SETX: variants seen among roughly 807,000 people sequenced by gnomAD.
SETX encodes helicase senataxin.
Under a neutral mutation model 227.2 loss-of-function variants are expected in SETX, and 90 were observed. That is an observed-to-expected ratio of 0.40 (90% CI 0.33 to 0.47). SETX has a LOEUF of 0.47. SETX is among the 20% of genes least tolerant of loss of function. SETX has a pLI of 0.91. For missense variants in SETX, 3,052 were observed against 3,181.5 expected, an observed-to-expected ratio of 0.96 and a Z score of 0.98; for synonymous variants, 1,210 against 1,113.2, an observed-to-expected ratio of 1.09 and a Z score of -1.73.
chr9:132,310,901 TTTTC>T (rs1845615473), intron 11 of SETX, among the ~76,000 whole-genome samples: 2 of 152,238 alleles, frequency 1.3e-5, no homozygotes, highest in Non-Finnish European at 1.5e-5. Flanking sequence ...TTTTAGTTTC[TTTTC>T]TTTAGCTTTA....
Position 132,328,983 on chromosome 9 carries a change from T to C in SETX, c.2615A>G (p.Glu872Gly), listed in dbSNP as rs766633123. The change falls in exon 10 of 26, where the codon GAA (glutamate) becomes GGA (glycine). Residue 872 changes from glutamate to glycine, a missense_variant. By Grantham distance (98) the Glu-to-Gly change is moderately conservative. This residue lies in a region of SETX where 1,483 missense variants were observed against 1,312.0 expected (regional missense o/e 1.13). Transcript: ENST00000224140. ...VLPKEKQLKN[E>G]ELVIFSFHEN... ...ATGGAAAGAGAAAATAACTAATTCT[T>C]CATTCTTTAATTGTTTCTCTTTTGG... 4.4e-6 allele frequency: 7 copies of C among 1,607,050 alleles called. No individual in the cohort carries two copies. In the South Asian group the frequency reaches 7.8e-5, roughly 18 times the overall value.
chr9:132,353,891 T>A (rs751856362), intron 1 of SETX, 136 bp from the exon 2 acceptor site: 1 of 152,270 alleles, frequency 6.6e-6, no homozygotes, highest in African/African-American at 2.4e-5. Context: ...ACAACTTGGC[T>A]GTGGACTTCC....
intron 5 of SETX, among the ~76,000 whole-genome samples, chr9:132,342,149 GCA>G (rs1444483375): frequency 6.6e-6 from 1 of 152,028 alleles, no homozygotes; most frequent in Non-Finnish European, 1.5e-5. Flanking sequence ...GAGACCTGAA[GCA>G]CAGACTGTCT....
rs1847230556 is a variant in SETX, at chr9:132,331,455, T to C, written c.839-7A>G. Reference sequence around the variant, plus strand: ...AAAGGATCCACACTATCATCTGAAATACAATGGCACAATCGTTGAATTACT... The same window carrying C: ...AAAGGATCCACACTATCATCTGAAACACAATGGCACAATCGTTGAATTACT... On this transcript the variant is annotated splice_polypyrimidine_tract_variant and splice_region_variant and intron_variant, in intron 7 of 25. Coordinates refer to ENST00000224140, the MANE Select transcript of SETX (RefSeq NM_015046.7). The C allele has an allele frequency of 6.2e-7, 1 of 1,613,376 alleles. No homozygotes were observed. Among genetic ancestry groups the C allele is most frequent in the Non-Finnish European group, 8.5e-7 (1 of 1,179,750 alleles).
chr9:132,351,549 T>C (rs542877078), intron 2 of SETX, among the ~76,000 whole-genome samples: 5 of 152,310 alleles, frequency 3.3e-5, no homozygotes, highest in Admixed American at 1.3e-4. Flanking sequence ...GTGAGTGTCA[T>C]GGCCGCTAGA....
intron 20 of SETX, among the ~76,000 whole-genome samples, chr9:132,280,830 G>GAGATT (rs1449949534): frequency 6.6e-6 from 1 of 151,970 alleles, no homozygotes; most frequent in Non-Finnish European, 1.5e-5. Flanking sequence ...AATCTTTCAT[G>GAGATT]AGATTAAAAA....
chr9:132,315,367 T>C (rs1383233276), intron 10 of SETX, among the ~76,000 whole-genome samples: 2 of 152,186 alleles, frequency 1.3e-5, no homozygotes, highest in Non-Finnish European at 2.9e-5. Context: ...TTCATCTCCA[T>C]GTCCTGTCCC....
chr9:132,271,345 C>T (rs1460006130), intron 24 of SETX, among the ~76,000 whole-genome samples: 1 of 152,238 alleles, frequency 6.6e-6, no homozygotes, highest in East Asian at 1.9e-4. Flanking sequence ...GGGTGGAGCA[C>T]TTGAGCTCAG....
At position 132,278,066 on chromosome 9, in the gene SETX, T is replaced by C. The variant is rs765645312; in HGVS notation, c.6842+4A>G. On this transcript the variant is annotated splice_donor_region_variant and intron_variant, in intron 21 of 25. Transcript: ENST00000224140. ...TAAGGTCACAAACAATAAGGGGAAC[T>C]CACCTATTTGTTTTTAAGTTTCTGT... 1 of 1,612,688 alleles carries C rather than the reference T, an allele frequency of 6.2e-7. No individual in the cohort carries two copies. Among genetic ancestry groups the C allele is most frequent in the South Asian group, 1.1e-5 (1 of 91,054 alleles).
Position 132,333,866 on chromosome 9 carries a change from T to C in SETX, c.838+742A>G, listed in dbSNP as rs574041762. 4.6e-5 allele frequency among the ~76,000 whole-genome samples: 7 copies of C among 152,302 alleles called. No homozygotes were observed. In the East Asian group the frequency reaches 1.3e-3, roughly 29 times the overall value. On this transcript the variant is annotated intron_variant, in intron 7 of 25. Coordinates refer to ENST00000224140, the MANE Select transcript of SETX (RefSeq NM_015046.7). ...CACGTGTGGCCATTGAGCCTTGAAA[T>C]ATGACTAGTGGGACCAAATAACTGC...
intron 15 of SETX, among the ~76,000 whole-genome samples, chr9:132,293,737 A>T (rs528645912): frequency 6.6e-6 from 1 of 152,196 alleles, no homozygotes; most frequent in African/African-American, 2.4e-5. Flanking sequence ...TAAAAAAAAA[A>T]TAAGGCTGGA....
intron 5 of SETX, among the ~76,000 whole-genome samples, chr9:132,338,010 T>A (rs1847739870): frequency 6.6e-6 from 1 of 151,778 alleles, no homozygotes; most frequent in Non-Finnish European, 1.5e-5. Context: ...TAACATCACT[T>A]ACATGGTACT....
chr9:132,307,744 T>C (rs1845415656), intron 11 of SETX, among the ~76,000 whole-genome samples: 2 of 151,136 alleles, frequency 1.3e-5, no homozygotes, highest in Admixed American at 1.3e-4. Context: ...AGTGGCACGA[T>C]CTCGGCTCAC....
chr9:132,326,180 C>T, intron 10 of SETX, 144 bp downstream of exon 10: 3 of 690,550 alleles, frequency 4.3e-6, no homozygotes, highest in East Asian at 2.7e-5. Context: ...CAATTCTCTG[C>T]CTCAGCCTCC....
At chr9:132,342,491 T>C (rs1057218217) in intron 5 of SETX, among the ~76,000 whole-genome samples, 199 bp downstream of exon 5, 1 of 152,226 alleles carries the variant, frequency 6.6e-6, no homozygotes, top group African/African-American at 2.4e-5. Flanking sequence ...AAGCATCACC[T>C]GTCGGTAAGT....
chr9:132,288,391 A>T, intron 16 of SETX, 40 bp from the exon 17 acceptor site: 1 of 1,515,676 alleles, frequency 6.6e-7, no homozygotes, highest in Non-Finnish European at 9.1e-7. Context: ...TGCTATTCTA[A>T]TTCTAACAAA....
intron 6 of SETX, among the ~76,000 whole-genome samples, chr9:132,335,116 C>A (rs561590777): frequency 2.8e-4 from 42 of 151,980 alleles, no homozygotes; most frequent in South Asian, 6.2e-4. Flanking sequence ...TGAGGCCGGG[C>A]GTGGTGGCTC....
At chr9:132,304,404 A>C (rs1249344696) in intron 11 of SETX, among the ~76,000 whole-genome samples, 1 of 152,150 alleles carries the variant, frequency 6.6e-6, no homozygotes, top group African/African-American at 2.4e-5. Flanking sequence ...TCTGGACTTC[A>C]CTACACTTGC....
intron 10 of SETX, among the ~76,000 whole-genome samples, chr9:132,312,489 C>T (rs917218321): frequency 6.6e-6 from 1 of 152,036 alleles, no homozygotes; most frequent in South Asian, 2.1e-4. Context: ...CCTTTTGGGC[C>T]CTAAGGAGGG....
Sources: gnomAD v4.1 joint callset for allele counts (sites outside exome capture counted in the v4.1 genomes callset) on GRCh38, gnomAD v4.1.1 for gene constraint, gnomAD v4.1.1 regional missense constraint, MANE v1.5 for transcripts, NCBI Gene and HGNC (gene_info 2026-07-23, HGNC 2026-07-21) for gene names.